SHOX: variants seen among roughly 807,000 people sequenced by gnomAD.
SHOX encodes the protein SHOX homeobox.
A neutral mutation model predicts 29.6 loss-of-function variants in SHOX; 12 were observed. The observed-to-expected ratio is 0.41, with a 90% CI of 0.26 to 0.66. The LOEUF (loss-of-function observed/expected upper bound fraction) is 0.66. Among genes scored for constraint, SHOX ranks in the 30% least tolerant of loss-of-function variants. The probability of loss-of-function intolerance (pLI) is 0.35; values close to 1 mark genes in which losing one functional copy is unlikely to be tolerated. For missense variants in SHOX, 499 were observed against 437.7 expected, an observed-to-expected ratio of 1.14 and a Z score of -1.25; for synonymous variants, 214 against 200.6, an observed-to-expected ratio of 1.07 and a Z score of -0.57.
At position 644,824 on chromosome X, in the gene SHOX, C is replaced by T; in HGVS notation, c.*188C>T. 2 of 751,164 alleles carry T rather than the reference C, an allele frequency of 2.7e-6. No individual in the cohort carries two copies. Among genetic ancestry groups the T allele is most frequent in the Non-Finnish European group, 3.8e-6 (2 of 524,116 alleles). 46.5% of individuals were successfully genotyped at this position (751,164 alleles called of 1,614,324 possible). ...CCGTCCACGCACGACCCAGCCAGAC[C>T]CTCGCGGAGATGGTGCAGAAGGCGG... On this transcript the variant is annotated 3_prime_UTR_variant, in exon 5 of 5. Coordinates refer to ENST00000686671, the MANE Select transcript of SHOX (RefSeq NM_000451.4).
intron 4 of SHOX, among the ~76,000 whole-genome samples, chrX:641,518 G>A (rs767198957): frequency 2.8e-4 from 42 of 152,072 alleles, no homozygotes; most frequent in Admixed American, 5.2e-4. Context: ...CTGAAACCCC[G>A]TCTCTACTGA....
chrX:645,400 T>G lies in SHOX; in HGVS notation c.*764T>G, dbSNP rs1207049200. ...TTGTTTTGGATTGGTATTTTTTTTT[T>G]TTTTTTTTTTTTTTTTTTTTTTTGC... is the stretch of plus-strand genomic sequence containing the variant. On this transcript the variant is annotated 3_prime_UTR_variant, in exon 5 of 5. Transcript: ENST00000686671. 9 of 60,210 alleles carry G rather than the reference T, an allele frequency of 1.5e-4. No individual in the cohort carries two copies. Among genetic ancestry groups the G allele is most frequent in the Non-Finnish European group, 2.5e-4 (7 of 28,314 alleles). 3.7% of individuals were successfully genotyped at this position (60,210 alleles called of 1,614,324 possible). A position where few individuals can be genotyped will look rare whatever the true frequency, so the allele number is the denominator to read the frequency against.
At position 634,811 on chromosome X, in the gene SHOX, C is replaced by G. The variant is rs774997125; in HGVS notation, c.471C>G (p.Ser157=). 98 of 1,574,542 alleles carry G rather than the reference C, an allele frequency of 6.2e-5. 1 individual carries two copies. In the South Asian group the frequency reaches 1.1e-3, roughly 17 times the overall value. Residue 157 remains serine (S), a synonymous_variant, in exon 2 of 5, where the codon TCC becomes TCG. Coordinates refer to ENST00000686671, the MANE Select transcript of SHOX (RefSeq NM_000451.4). ...AGCTCAGCCAGCGCCTGGGGCTCTC[C>G]GAGGCGCGCGTGCAGGTAGGAACCC... ...REELSQRLGL[S]EARVQVWFQN...
rs2052968035 is a variant in SHOX, at chrX:646,573, A to G, written c.*1937A>G. The G allele has an allele frequency of 6.6e-6, 1 of 152,122 alleles. No individual in the cohort carries two copies. The highest frequency in any genetic ancestry group is 1.5e-5 in the Non-Finnish European group (1 of 68,020). 9.4% of individuals were successfully genotyped at this position (152,122 alleles called of 1,614,324 possible). On this transcript the variant is annotated 3_prime_UTR_variant, in exon 5 of 5. Transcript: ENST00000686671. ...ACAACTTCTTTTTTTCTTCCGCATA[A>G]CACTTTCTATCTTGTCACTGAGCTG...
chrX:630,909 C>T lies in SHOX; in HGVS notation c.12C>T (p.Leu4=). The T allele has an allele frequency of 1.9e-6, 3 of 1,613,484 alleles. No individual in the cohort carries two copies. Among genetic ancestry groups the T allele is most frequent in the Middle Eastern group, 1.7e-4 (1 of 6,014 alleles). Residue 4 remains leucine, a synonymous_variant, in exon 1 of 5, where the codon CTC becomes CTT. Coordinates refer to ENST00000686671, the MANE Select transcript of SHOX (RefSeq NM_000451.4). ...CCCCGGCCCCAGCCATGGAAGAGCT[C>T]ACGGCTTTTGTATCCAAGTCTTTTG... The part of the protein sequence containing the change: MEE[L]TAFVSKSFDQ...
At chrX:629,385 C>T (rs867181884), upstream of SHOX, among the ~76,000 whole-genome samples, 16 of 129,990 alleles carry the variant, frequency 1.2e-4, no homozygotes, top group Admixed American at 3.7e-4. Context: ...CTGTCTGTGT[C>T]TCTCTTTCTC....
downstream of SHOX, among the ~76,000 whole-genome samples, chrX:654,060 C>T (rs1228456981): frequency 6.6e-6 from 1 of 152,090 alleles, no homozygotes; most frequent in Non-Finnish European, 1.5e-5. Context: ...TGTTTGAACT[C>T]ACAGATGCTG....
Position 644,947 on chromosome X carries a change from T to C in SHOX, c.*311T>C. ...GGTAAACCCCCGCCTGGCTGCGTCTTCCTCTGCTATACCCTATGCATGCGG... is the reference window on the plus strand; with the variant it reads ...GGTAAACCCCCGCCTGGCTGCGTCTCCCTCTGCTATACCCTATGCATGCGG... On this transcript the variant is annotated 3_prime_UTR_variant, in exon 5 of 5. Coordinates refer to ENST00000686671, the MANE Select transcript of SHOX (RefSeq NM_000451.4). 1 of 403,352 alleles carries C rather than the reference T, an allele frequency of 2.5e-6. No individual in the cohort carries two copies. Among genetic ancestry groups the C allele is most frequent in the Non-Finnish European group, 4.4e-6 (1 of 229,116 alleles). 25.0% of individuals were successfully genotyped at this position (403,352 alleles called of 1,614,324 possible).
intron 5 of SHOX, among the ~76,000 whole-genome samples, chrX:657,858 T>G (rs1309922552): frequency 6.6e-6 from 1 of 152,116 alleles, no homozygotes; most frequent in Non-Finnish European, 1.5e-5. Flanking sequence ...TTGGGTTGAT[T>G]TATTTGACGA....
chrX:651,494 T>C lies in SHOX; in HGVS notation c.*6858T>C, dbSNP rs1054205307. 3.7e-5 allele frequency: 16 copies of C among 435,642 alleles called. No homozygotes were observed. The highest frequency in any genetic ancestry group is 3.1e-4 in the African/African-American group (15 of 48,606). The allele number at this position is 435,642 out of a possible 1,614,324, so 27.0% of individuals were successfully genotyped here. A position where few individuals can be genotyped will look rare whatever the true frequency, so the allele number is the denominator to read the frequency against. On this transcript the variant is annotated 3_prime_UTR_variant, in exon 5 of 5. Coordinates refer to ENST00000686671, the MANE Select transcript of SHOX (RefSeq NM_000451.4). ...AACGTTCAATAATCTCAATGTTGAG[T>C]TGCAGCAACAGACTGTATTTTTGTG...
intron 1 of SHOX, among the ~76,000 whole-genome samples, chrX:625,437 C>T (rs1276024799): frequency 6.6e-6 from 1 of 152,084 alleles, no homozygotes; most frequent in Non-Finnish European, 1.5e-5. Context: ...TTCTCATCGG[C>T]TTGGTGTGCT....
At chrX:633,167 G>A (rs1455748327) in intron 1 of SHOX, among the ~76,000 whole-genome samples, 1 of 152,088 alleles carries the variant, frequency 6.6e-6, no homozygotes, top group Non-Finnish European at 1.5e-5. Context: ...GAGGTTGGAG[G>A]GCAGGGGAGA....
intron 5 of SHOX, chrX:658,769 C>CTTT: frequency 4.5e-5 from 16 of 357,818 alleles, no homozygotes; most frequent in Non-Finnish European, 6.1e-5. Flanking sequence ...TGCACTTGGC[C>CTTT]TTTTTTTTTT....
At chrX:641,687 CAAA>C (rs35181650) in intron 4 of SHOX, among the ~76,000 whole-genome samples, 8,415 of 123,638 alleles carry the variant, frequency 0.068, 801 homozygotes, top group African/African-American at 0.23. Context: ...GACTCCATCT[CAAA>C]AAAAAAAAAA....
At position 650,808 on chromosome X, in the gene SHOX, A is replaced by AAAAAC. The variant is rs1569495990; in HGVS notation, c.*6176_*6177insCAAAA. Among the ~76,000 whole-genome samples the AAAAAC allele has an allele frequency of 5.4e-5, 8 of 147,150 alleles. No homozygotes were observed. The highest frequency in any genetic ancestry group is 7.6e-5 in the African/African-American group (3 of 39,642). ...GTTTGACATTAAAAAAAAAAAAAAA[A>AAAAAC]AAAAAAAAAAACTGGTGCCTAATTT... is the stretch of plus-strand genomic sequence containing the variant. On this transcript the variant is annotated 3_prime_UTR_variant, in exon 5 of 5. Coordinates refer to ENST00000686671, the MANE Select transcript of SHOX (RefSeq NM_000451.4).
intron 2 of SHOX, among the ~76,000 whole-genome samples, chrX:637,145 C>T (rs1209801975): frequency 6.6e-6 from 1 of 151,784 alleles, no homozygotes; most frequent in African/African-American, 2.4e-5. Context: ...AGGACTGTGT[C>T]CCTCCTTAGG....
downstream of SHOX, among the ~76,000 whole-genome samples, chrX:655,590 C>A (rs866075459): frequency 1.9e-5 from 1 of 53,454 alleles, no homozygotes; most frequent in Admixed American, 3.5e-4. Flanking sequence ...CTCTCTCTCT[C>A]TCTCTCTCTC....
In SHOX at chrX:644,547, G is replaced by A; in HGVS notation, c.790G>A (p.Ala264Thr). Residue 264 changes from alanine (A) to threonine (T), a missense_variant, in exon 5 of 5, where the codon GCC (alanine) becomes ACC (threonine). Physicochemically the swap from Ala to Thr is moderately conservative, Grantham distance 58. Transcript: ENST00000686671. ...AESASAAAVV[A>T]AAAKSNSKNS... ...GTCCGCCTCGGCCGCCGCCGTGGTC[G>A]CCGCCGCCGCCAAAAGCAACAGCAA... 2 of 1,517,394 alleles carry A rather than the reference G, an allele frequency of 1.3e-6. No individual in the cohort carries two copies. Among genetic ancestry groups the A allele is most frequent in the Non-Finnish European group, 1.8e-6 (2 of 1,139,438 alleles). The allele number at this position is 1,517,394 out of a possible 1,614,324, so 94.0% of individuals were successfully genotyped here.
downstream of SHOX, among the ~76,000 whole-genome samples, chrX:652,340 ATT>A (rs746162755): frequency 9.6e-3 from 1,291 of 135,130 alleles, 34 homozygotes; most frequent in South Asian, 0.086. Flanking sequence ...AAAATGACAA[ATT>A]TTTTTTTTTT....
Sources: gnomAD v4.1 joint callset for allele counts (sites outside exome capture counted in the v4.1 genomes callset) on GRCh38, gnomAD v4.1.1 for gene constraint, MANE v1.5 for transcripts, NCBI Gene and HGNC (gene_info 2026-07-23, HGNC 2026-07-21) for gene names.